The following TNFRSF11A variants were observed in gnomAD, a reference collection of about 807,000 sequenced individuals.
TNFRSF11A encodes tumor necrosis factor receptor superfamily member 11A.
TNFRSF11A carries 32 observed loss-of-function variants against 55.7 expected under a neutral mutation model. That is an observed-to-expected ratio of 0.57 (90% CI 0.43 to 0.77). The LOEUF is 0.77. Ranked by LOEUF, TNFRSF11A falls within the 30% of genes least tolerant of loss-of-function variation. The probability of loss-of-function intolerance (pLI) is 0.00; values close to 1 mark genes in which losing one functional copy is unlikely to be tolerated. For synonymous variants in TNFRSF11A, 311 were observed against 331.0 expected (o/e 0.94, Z 0.65); for missense variants, 753 against 809.8 (o/e 0.93, Z 0.85).
chr18:62,384,046 AACACACACACAC>A (rs58712892), intron 9 of TNFRSF11A, among the ~76,000 whole-genome samples: 24 of 145,950 alleles, frequency 1.6e-4, no homozygotes, highest in Admixed American at 6.8e-4. Flanking sequence ...TTCTGTGTTG[AACACACACACAC>A]ACACACACAC....
At chr18:62,345,492 A>T (rs564505356) in intron 1 of TNFRSF11A, among the ~76,000 whole-genome samples, 1 of 152,074 alleles carries the variant, frequency 6.6e-6, no homozygotes, top group African/African-American at 2.4e-5. Flanking sequence ...CCTAAATGAG[A>T]TTAAAAGCAT....
At chr18:62,380,427 G>A (rs1408867097) in intron 9 of TNFRSF11A, among the ~76,000 whole-genome samples, 2 of 151,256 alleles carry the variant, frequency 1.3e-5, no homozygotes, top group African/African-American at 4.9e-5. Context: ...ACATCTTAAC[G>A]GTCAGGAATT....
rs1911915935 is a variant in TNFRSF11A at position 62,389,571 on chromosome 18, A to T, written c.*4537A>T. On this transcript the variant is annotated 3_prime_UTR_variant, in exon 10 of 10. Coordinates refer to ENST00000586569, the MANE Select transcript of TNFRSF11A (RefSeq NM_003839.4). Reference sequence around the variant, plus strand: ...CCCACAAGACTTGCTGCTCCTCCTGACCCACCCGCATGGCTCTGCACAGCT... The same window carrying T: ...CCCACAAGACTTGCTGCTCCTCCTGTCCCACCCGCATGGCTCTGCACAGCT... 6.6e-6 allele frequency: 1 copy of T among 152,146 alleles called. No homozygotes were observed. The highest frequency in any genetic ancestry group is 1.5e-5 in the Non-Finnish European group (1 of 68,096). The allele number at this position is 152,146 out of a possible 1,614,324, so 9.4% of individuals were successfully genotyped here. A position where few individuals can be genotyped will look rare whatever the true frequency, so the allele number is the denominator to read the frequency against.
At chr18:62,356,865 C>T (rs977473276) in intron 4 of TNFRSF11A, among the ~76,000 whole-genome samples, 11 of 152,210 alleles carry the variant, frequency 7.2e-5, no homozygotes, top group African/African-American at 2.4e-4. Flanking sequence ...CTGCAGGATG[C>T]TTCTGGCAGG....
chr18:62,327,459 C>G (rs1478294788), intron 1 of TNFRSF11A, among the ~76,000 whole-genome samples: 2 of 152,188 alleles, frequency 1.3e-5, no homozygotes, highest in Non-Finnish European at 2.9e-5. Flanking sequence ...GCCCAACCTT[C>G]CCAGTAGAAA....
At chr18:62,329,068 G>T (rs771670420) in intron 1 of TNFRSF11A, among the ~76,000 whole-genome samples, 3 of 152,188 alleles carry the variant, frequency 2.0e-5, no homozygotes, top group Middle Eastern at 3.4e-3. Context: ...GACTTCATCT[G>T]CCATGTCAAT....
rs1299967165 is a variant in TNFRSF11A, at chr18:62,366,692, G to T, written c.731-16G>T. The T allele has an allele frequency of 1.2e-6, 2 of 1,613,914 alleles. No individual in the cohort carries two copies. On this transcript the variant is annotated splice_polypyrimidine_tract_variant and intron_variant, in intron 7 of 9. Transcript: ENST00000586569. ...ATAATAACTTGAAGTCCTTATCCTT[G>T]CTTTGTGTTTTCTAGCTAATTTGTG...
At chr18:62,371,782 G>A (rs1331553137) in intron 9 of TNFRSF11A, among the ~76,000 whole-genome samples, 6 of 152,174 alleles carry the variant, frequency 3.9e-5, no homozygotes, top group Non-Finnish European at 5.9e-5. Flanking sequence ...GCTTTTTCAT[G>A]TAGTTTTTTA....
chr18:62,349,648 C>T (rs1041828149), intron 2 of TNFRSF11A, among the ~76,000 whole-genome samples, 164 bp from the exon 3 acceptor site: 1 of 152,148 alleles, frequency 6.6e-6, no homozygotes, highest in African/African-American at 2.4e-5. Context: ...TGCATTGTGG[C>T]CTCTTCTCCT....
chr18:62,380,847 G>A (rs1278983513), intron 9 of TNFRSF11A, among the ~76,000 whole-genome samples: 2 of 150,918 alleles, frequency 1.3e-5, no homozygotes, highest in African/African-American at 4.9e-5. Context: ...TGTCACCCAG[G>A]CTGGAGTGCA....
rs1463920572 is a variant in TNFRSF11A at position 62,369,353 on chromosome 18, C to T, written c.1436C>T (p.Pro479Leu). Residue 479 changes from proline to leucine, a missense_variant, in exon 9 of 10, where the codon CCC becomes CTC. Coordinates refer to ENST00000586569, the MANE Select transcript of TNFRSF11A (RefSeq NM_003839.4). ...CAGTGCGCCTATGGCATGGGCCTTC[C>T]CCCTGAAGAAGAAGCCAGCAGGACG... is the stretch of plus-strand genomic sequence containing the variant. ...LPQCAYGMGL[P>L]PEEEASRTEA... 1 of 1,610,162 alleles carries T rather than the reference C, an allele frequency of 6.2e-7. No homozygotes were observed. Among genetic ancestry groups the T allele is most frequent in the African/African-American group, 1.3e-5 (1 of 74,982 alleles).
chr18:62,369,843 T>C (rs1424389409), intron 9 of TNFRSF11A, among the ~76,000 whole-genome samples: 2 of 152,202 alleles, frequency 1.3e-5, no homozygotes, highest in African/African-American at 4.8e-5. Context: ...GCCAAGGCAT[T>C]CCCTCAGATT....
chr18:62,385,095 G>T lies in TNFRSF11A; in HGVS notation c.*61G>T. On this transcript the variant is annotated 3_prime_UTR_variant, in exon 10 of 10. Transcript: ENST00000586569. The stretch of plus-strand genomic sequence containing the variant: ...CAGGGCTCGCGAGGGCAGCACCGCA[G>T]CCTCTGCCCCAGCCCCGGCCACCCA... The T allele has an allele frequency of 2.2e-6, 3 of 1,391,536 alleles. No homozygotes were observed. The highest frequency in any genetic ancestry group is 7.1e-5 in the Admixed American group (2 of 28,076). 86.2% of individuals were successfully genotyped at this position (1,391,536 alleles called of 1,614,324 possible).
chr18:62,354,265 A>AT, intron 3 of TNFRSF11A, 126 bp from the exon 4 acceptor site: 1 of 1,238,534 alleles, frequency 8.1e-7, no homozygotes, highest in Non-Finnish European at 1.1e-6. Flanking sequence ...TGTCCTGGTG[A>AT]TTCACTCTGC....
chr18:62,339,073 G>A (rs1170567377), intron 1 of TNFRSF11A, among the ~76,000 whole-genome samples: 1 of 152,078 alleles, frequency 6.6e-6, no homozygotes, highest in African/African-American at 2.4e-5. Flanking sequence ...TGTCTAAAAC[G>A]AGTTTGCACC....
intron 1 of TNFRSF11A, among the ~76,000 whole-genome samples, chr18:62,338,254 G>A (rs909069309): frequency 1.3e-5 from 2 of 152,204 alleles, no homozygotes; most frequent in African/African-American, 2.4e-5. Flanking sequence ...TGCCACCCCT[G>A]CGGAAAACAG....
At chr18:62,329,486 C>T (rs759777253) in intron 1 of TNFRSF11A, among the ~76,000 whole-genome samples, 1 of 152,194 alleles carries the variant, frequency 6.6e-6, no homozygotes, top group East Asian at 1.9e-4. Context: ...GATTGTGGGA[C>T]GGCCTTTCTG....
At chr18:62,375,086 T>TG (rs201865489) in intron 9 of TNFRSF11A, among the ~76,000 whole-genome samples, 1,458 of 104,556 alleles carry the variant, frequency 0.014, 14 homozygotes, top group African/African-American at 0.019. Context: ...TGTGTGTGTG[T>TG]TTTTTTTTTT....
At chr18:62,361,471 G>A (rs903656664) in intron 6 of TNFRSF11A, among the ~76,000 whole-genome samples, 3 of 152,246 alleles carry the variant, frequency 2.0e-5, no homozygotes, top group South Asian at 2.1e-4. Context: ...GAGTGAAACC[G>A]GACTGAGCAG....
Sources: allele counts gnomAD v4.1 joint callset (sites outside exome capture counted in the v4.1 genomes callset), GRCh38; gene constraint gnomAD v4.1.1; transcripts MANE v1.5; gene names NCBI Gene and HGNC (gene_info 2026-07-23, HGNC 2026-07-21).